DAB1: variants seen among roughly 807,000 people sequenced by gnomAD.
DAB1 encodes the protein DAB adaptor protein 1.
A neutral mutation model predicts 64.6 loss-of-function variants in DAB1; 15 were observed. That is an observed-to-expected ratio of 0.23 (90% CI 0.16 to 0.36). The LOEUF (loss-of-function observed/expected upper bound fraction) is 0.36. DAB1 is among the 10% of genes least tolerant of loss of function. The pLI, the probability that DAB1 is intolerant of heterozygous loss-of-function variation, is 1.00. For missense variants in DAB1, 596 were observed against 706.7 expected (o/e 0.84, Z 1.78); for synonymous variants, 235 against 251.9 (o/e 0.93, Z 0.64).
At chr1:57,825,548 AG>A (rs1652307841), downstream of DAB1, among the ~76,000 whole-genome samples, 1 of 152,202 alleles carries the variant, frequency 6.6e-6, no homozygotes, top group Non-Finnish European at 1.5e-5. Flanking sequence ...GGCAGGAGGA[AG>A]GTGACTTGAG....
At chr1:58,197,703 C>CAT (rs71874185) in intron 4 of DAB1, among the ~76,000 whole-genome samples, 19 of 139,964 alleles carry the variant, frequency 1.4e-4, no homozygotes, top group Non-Finnish European at 2.1e-4. Context: ...GAGAGTTACA[C>CAT]TTTTTTTTTT....
intron 7 of DAB1, among the ~76,000 whole-genome samples, chr1:57,558,962 C>T (rs148474694): frequency 0.021 from 3,179 of 152,250 alleles, 130 homozygotes; most frequent in African/African-American, 0.073. Flanking sequence ...TTGAAGAGCC[C>T]TGTAATTGCT....
intron 1 of DAB1, among the ~76,000 whole-genome samples, chr1:57,400,327 C>A (rs1683142172): frequency 6.6e-6 from 1 of 152,122 alleles, no homozygotes; most frequent in African/African-American, 2.4e-5. Flanking sequence ...GAAGTTGTTG[C>A]TATCTAAACA....
At chr1:58,302,668 T>G (rs919578895) in intron 4 of DAB1, among the ~76,000 whole-genome samples, 1 of 151,872 alleles carries the variant, frequency 6.6e-6, no homozygotes, top group Non-Finnish European at 1.5e-5. Flanking sequence ...CTTCTCTGAG[T>G]CTTCACTTTC....
At chr1:57,489,798 T>G (rs17115873) in intron 7 of DAB1, among the ~76,000 whole-genome samples, 1 of 152,154 alleles carries the variant, frequency 6.6e-6, no homozygotes, top group African/African-American at 2.4e-5. Context: ...ACAGCAAAAT[T>G]GAAGGTATGA....
At chr1:58,043,782 C>T (rs1647178564) in intron 5 of DAB1, among the ~76,000 whole-genome samples, 1 of 152,072 alleles carries the variant, frequency 6.6e-6, no homozygotes, top group South Asian at 2.1e-4. Context: ...GGCTCAAGTG[C>T]AGTGGCACGA....
chr1:57,500,308 C>G (rs1010339845), intron 7 of DAB1, among the ~76,000 whole-genome samples: 24 of 152,326 alleles, frequency 1.6e-4, no homozygotes, highest in Admixed American at 3.9e-4. Flanking sequence ...AGCCTTAACA[C>G]AGCTTCACTG....
At chr1:57,928,016 A>T (rs1644904188) in intron 5 of DAB1, among the ~76,000 whole-genome samples, 1 of 152,134 alleles carries the variant, frequency 6.6e-6, no homozygotes. Context: ...TCCCCTAAAC[A>T]TCTCAGTATG....
At chr1:57,916,088 A>G (rs893303202) in intron 5 of DAB1, among the ~76,000 whole-genome samples, 4 of 152,166 alleles carry the variant, frequency 2.6e-5, no homozygotes, top group Admixed American at 2.6e-4. Context: ...TGCTTCATAA[A>G]GACAGTCACT....
intron 4 of DAB1, among the ~76,000 whole-genome samples, chr1:58,269,561 T>C (rs1183753785): frequency 1.7e-5 from 2 of 115,416 alleles, no homozygotes; most frequent in African/African-American, 6.3e-5. Context: ...CTGGGTCAAA[T>C]GGTATTTCTA....
chr1:57,002,829 G>C (rs1388398217), intron 14 of DAB1, among the ~76,000 whole-genome samples: 2 of 152,118 alleles, frequency 1.3e-5, no homozygotes, highest in African/African-American at 4.8e-5. Context: ...TTCTGTGCAG[G>C]GTACTTAACG....
At chr1:57,996,850 C>T (rs537914477) in intron 5 of DAB1, among the ~76,000 whole-genome samples, 3 of 152,188 alleles carry the variant, frequency 2.0e-5, no homozygotes, top group South Asian at 2.1e-4. Context: ...CTTAGTGATT[C>T]GTTTTAATGC....
upstream of DAB1, among the ~76,000 whole-genome samples, chr1:57,426,274 C>T (rs756901995): frequency 6.6e-6 from 1 of 152,196 alleles, no homozygotes; most frequent in African/African-American, 2.4e-5. Flanking sequence ...ATACAAGACT[C>T]TATCTCTGCT....
At chr1:58,130,882 C>T (rs1409688637) in intron 5 of DAB1, among the ~76,000 whole-genome samples, 5 of 151,890 alleles carry the variant, frequency 3.3e-5, no homozygotes, top group Admixed American at 6.6e-5. Flanking sequence ...TCTCTGGCTG[C>T]CCTTAACATT....
At chr1:57,999,646 G>T (rs1229501805) in intron 5 of DAB1, among the ~76,000 whole-genome samples, 1 of 152,130 alleles carries the variant, frequency 6.6e-6, no homozygotes. Flanking sequence ...GGCATCCAGT[G>T]AGTAAAGGCC....
At chr1:58,355,470 G>T (rs1035253852) in intron 3 of DAB1, among the ~76,000 whole-genome samples, 34 of 152,220 alleles carry the variant, frequency 2.2e-4, no homozygotes, top group African/African-American at 7.9e-4. Flanking sequence ...TCTCTCAAGC[G>T]CTGATGAATC....
rs1010785563 is a variant in DAB1, at chr1:58,376,565, C to T, written n.258-33162G>A. Among the ~76,000 whole-genome samples, 22 of 147,294 alleles carry T rather than the reference C, an allele frequency of 1.5e-4. 2 individuals are homozygous for T. The highest frequency in any genetic ancestry group is 2.1e-4 in the Non-Finnish European group (14 of 66,270). ...GAGATAGTTTGTTATAATTTCTGTT[C>T]GTTTACATTTGCTGAGGAGAGCTTT... On this transcript the variant is annotated intron_variant and non_coding_transcript_variant, in intron 3 of 20. Coordinates refer to the DAB1 transcript ENST00000485760.
Position 58,128,792 on chromosome 1 carries a change from T to A in DAB1, n.387+21719A>T, listed in dbSNP as rs1382497968. ...TTGCGTATATTGAACCAGCCTTGCATCCCAGGGATGAAGCCCACTTGATCA... is the reference window on the plus strand; with the variant it reads ...TTGCGTATATTGAACCAGCCTTGCAACCCAGGGATGAAGCCCACTTGATCA... On this transcript the variant is annotated intron_variant and non_coding_transcript_variant, in intron 5 of 20. Coordinates refer to the DAB1 transcript ENST00000485760. 2.1e-5 allele frequency among the ~76,000 whole-genome samples: 3 copies of A among 141,348 alleles called. No individual in the cohort carries two copies. In the Admixed American group the frequency reaches 2.1e-4, roughly 10 times the overall value. The allele number at this position is 141,348 out of a possible 152,430, so 92.7% of individuals were successfully genotyped here.
intron 5 of DAB1, among the ~76,000 whole-genome samples, chr1:58,143,317 G>A (rs1474318998): frequency 6.6e-6 from 1 of 152,098 alleles, no homozygotes; most frequent in Non-Finnish European, 1.5e-5. Flanking sequence ...ACTCAATAAT[G>A]GAGATGAGGG....
Sources: gnomAD v4.1 joint callset for allele counts (sites outside exome capture counted in the v4.1 genomes callset) on GRCh38, gnomAD v4.1.1 for gene constraint, MANE v1.5 for transcripts, NCBI Gene and HGNC (gene_info 2026-07-23, HGNC 2026-07-21) for gene names.